FAM13B: variants seen among roughly 807,000 people sequenced by gnomAD.
FAM13B encodes the protein family with sequence similarity 13 member B.
FAM13B carries 60 observed loss-of-function variants against 117.3 expected under a neutral mutation model. The ratio of observed to expected loss-of-function variants is 0.51; its 90% CI spans 0.42 to 0.63. FAM13B has a LOEUF of 0.63. Among genes scored for constraint, FAM13B ranks in the 30% least tolerant of loss-of-function variants. The pLI, the probability that FAM13B is intolerant of heterozygous loss-of-function variation, is 0.00. For missense variants in FAM13B, 972 were observed against 1,091.9 expected, an observed-to-expected ratio of 0.89 and a Z score of 1.55; for synonymous variants, 332 against 356.1, an observed-to-expected ratio of 0.93 and a Z score of 0.76.
intron 10 of FAM13B, among the ~76,000 whole-genome samples, chr5:137,966,254 TG>T (rs1769707587): frequency 6.6e-6 from 1 of 151,452 alleles, no homozygotes; most frequent in Admixed American, 6.6e-5. Context: ...CTGGCCAATA[TG>T]GCGAAACCTC....
At chr5:137,966,480 T>TAAAGAGAG (rs1452687913) in intron 10 of FAM13B, among the ~76,000 whole-genome samples, 1 of 59,082 alleles carries the variant, frequency 1.7e-5, no homozygotes, top group Non-Finnish European at 3.3e-5. Flanking sequence ...TATATATATA[T>TAAAGAGAG]ATATATATAG....
intron 7 of FAM13B, among the ~76,000 whole-genome samples, chr5:138,004,770 C>T (rs1042502362): frequency 6.6e-6 from 1 of 152,092 alleles, no homozygotes; most frequent in African/African-American, 2.4e-5. Context: ...GTCCCAGCTA[C>T]ACAGGAGGCT....
At chr5:138,046,132 G>A (rs2151130795) in intron 1 of FAM13B, among the ~76,000 whole-genome samples, 1 of 152,196 alleles carries the variant, frequency 6.6e-6, no homozygotes, top group South Asian at 2.1e-4. Flanking sequence ...TTTTTATAAG[G>A]TGGAGTTTCT....
intron 4 of FAM13B, among the ~76,000 whole-genome samples, chr5:138,013,969 G>C (rs891958799): frequency 6.6e-6 from 1 of 152,074 alleles, no homozygotes; most frequent in Non-Finnish European, 1.5e-5. Flanking sequence ...GAGACAGGCT[G>C]TCGCTCCAGG....
Position 137,993,908 on chromosome 5 carries a change from C to T in FAM13B, c.849-5593G>A, listed in dbSNP as rs188010848. Among the ~76,000 whole-genome samples, 12 of 152,232 alleles carry T rather than the reference C, an allele frequency of 7.9e-5. No homozygotes were observed. The East Asian group carries it at 2.3e-3, about 29-fold the overall frequency. On this transcript the variant is annotated intron_variant, in intron 7 of 23. Transcript: ENST00000689681. ...CAAGAGTCTACATTTTTAACAAATG[C>T]CAATGATGATTCTTATCCATAGTAG...
In FAM13B at chr5:138,011,916, T is replaced by A. The variant is rs1784114305; in HGVS notation, c.400A>T (p.Lys134Ter). 6.3e-7 allele frequency: 1 copy of A among 1,589,454 alleles called. No homozygotes were observed. ...DYNNEDEFGR[K>*]LRFLLQQLPP... ...AGCTGTTGCAAGAGGAACCTCAACT[T>A]TCTTCCAAATTCATCTTCATTATTA... Residue 134 changes from lysine to a stop codon, truncating the protein, a stop_gained, in exon 5 of 24, where the codon AAG becomes TAG. Transcript: ENST00000689681. LOFTEE classifies it high-confidence loss of function.
intron 1 of FAM13B, among the ~76,000 whole-genome samples, chr5:138,024,874 G>T (rs1221181369): frequency 4.4e-5 from 6 of 135,450 alleles, no homozygotes; most frequent in Non-Finnish European, 9.4e-5. Flanking sequence ...TGTTTTTTTT[G>T]TTTGTTTTTT....
chr5:137,985,341 G>A lies in FAM13B; in HGVS notation c.1095C>T (p.Asp365=). The stretch of plus-strand genomic sequence containing the variant: ...TAGTGCTAGCCACAGGTTTTGAACA[G>A]TCTCTGTTACTTTCACTGGCATTAA... ...DIINASESNR[D]CSKPVASTNL... is the part of the protein sequence containing the mutation. The change falls in exon 10 of 24, where the codon GAC becomes GAT. Residue 365 remains aspartate (D), a synonymous_variant. Coordinates refer to ENST00000689681, the MANE Select transcript of FAM13B (RefSeq NM_001385994.1). 1.2e-6 allele frequency: 2 copies of A among 1,613,736 alleles called. No individual in the cohort carries two copies. Among genetic ancestry groups the A allele is most frequent in the Admixed American group, 1.7e-5 (1 of 60,008 alleles).
At chr5:137,948,409 AT>A (rs1220629819) in intron 18 of FAM13B, among the ~76,000 whole-genome samples, 3 of 151,832 alleles carry the variant, frequency 2.0e-5, no homozygotes, top group African/African-American at 7.3e-5. Context: ...TGCTTTATTT[AT>A]TTATTTATTT....
At chr5:137,977,425 T>C (rs1437350940) in intron 10 of FAM13B, among the ~76,000 whole-genome samples, 1 of 152,176 alleles carries the variant, frequency 6.6e-6, no homozygotes, top group Non-Finnish European at 1.5e-5. Context: ...CCTCTCCTTT[T>C]GAAAATCCCT....
intron 1 of FAM13B, chr5:138,039,457 CT>C (rs1321301619): frequency 3.3e-5 from 5 of 151,928 alleles, no homozygotes; most frequent in Admixed American, 2.6e-4. Flanking sequence ...TTCTCAGCAC[CT>C]TTTTTTTCCC....
chr5:138,012,812 T>G (rs532877609), intron 4 of FAM13B, among the ~76,000 whole-genome samples: 9 of 152,202 alleles, frequency 5.9e-5, no homozygotes, highest in Non-Finnish European at 1.2e-4. Flanking sequence ...AAACTCCTGG[T>G]AAAAGGTTAC....
intron 1 of FAM13B, among the ~76,000 whole-genome samples, chr5:138,049,839 T>A (rs1196622409): frequency 6.6e-6 from 1 of 152,132 alleles, no homozygotes; most frequent in Non-Finnish European, 1.5e-5. Flanking sequence ...AAATCCGACA[T>A]GTTTGGCCAG....
At chr5:138,010,957 TAAAAA>T (rs35163730) in intron 6 of FAM13B, 46 bp downstream of exon 6, 163 of 1,079,164 alleles carry the variant, frequency 1.5e-4, no homozygotes, top group East Asian at 5.2e-4. Context: ...ATATTATTCT[TAAAAA>T]AAAAAAAAAA....
intron 21 of FAM13B, 47 bp downstream of exon 21, chr5:137,943,086 T>C: frequency 1.9e-6 from 3 of 1,611,698 alleles, no homozygotes; most frequent in Non-Finnish European, 2.5e-6. Context: ...GTCTTTGAAC[T>C]CTTCCCTTAG....
In FAM13B at chr5:138,019,162, CAAA is replaced by C. The variant is rs57706343; in HGVS notation, c.-35-19_-35-17del. ...GCTGTCTTTTCTGCCAAATGAAAGA[CAAA>C]AAAAAAAGACTATAATGATTAACAG... On this transcript the variant is annotated splice_polypyrimidine_tract_variant and intron_variant, in intron 2 of 23. Coordinates refer to ENST00000689681, the MANE Select transcript of FAM13B (RefSeq NM_001385994.1). 3 of 1,502,880 alleles carry C rather than the reference CAAA, an allele frequency of 2.0e-6. No homozygotes were observed. The highest frequency in any genetic ancestry group is 2.8e-5 in the African/African-American group (2 of 70,856). The allele number at this position is 1,502,880 out of a possible 1,614,324, so 93.1% of individuals were successfully genotyped here. A position where few individuals can be genotyped will look rare whatever the true frequency, so the allele number is the denominator to read the frequency against.
In FAM13B at chr5:137,939,373, C is replaced by CATACTG. The variant is rs1347201886; in HGVS notation, c.*846_*851dup. ...AATCTGAGCACCATCAGAGTTCCTA[C>CATACTG]ATACTGACATGGCTATTTTCTCACA... On this transcript the variant is annotated 3_prime_UTR_variant, in exon 24 of 24. Transcript: ENST00000689681. 3 of 152,688 alleles carry CATACTG rather than the reference C, an allele frequency of 2.0e-5. No homozygotes were observed. The highest frequency in any genetic ancestry group is 7.2e-5 in the African/African-American group (3 of 41,458). The allele number at this position is 152,688 out of a possible 1,614,324, so 9.5% of individuals were successfully genotyped here. A position where few individuals can be genotyped will look rare whatever the true frequency, so the allele number is the denominator to read the frequency against.
chr5:138,032,244 A>G (rs1355146544), intron 1 of FAM13B, among the ~76,000 whole-genome samples: 1 of 152,188 alleles, frequency 6.6e-6, no homozygotes, highest in Non-Finnish European at 1.5e-5. Context: ...CGCATTCTAG[A>G]CAAGGCCCCA....
At chr5:137,947,162 A>C (rs1311697657) in intron 18 of FAM13B, among the ~76,000 whole-genome samples, 3 of 152,252 alleles carry the variant, frequency 2.0e-5, no homozygotes, top group East Asian at 1.9e-4. Flanking sequence ...GTTCCACAGA[A>C]TATCCTTTAA....
Sources: gnomAD v4.1 joint callset for allele counts (sites outside exome capture counted in the v4.1 genomes callset) on GRCh38, gnomAD v4.1.1 for gene constraint, MANE v1.5 for transcripts, NCBI Gene and HGNC (gene_info 2026-07-23, HGNC 2026-07-21) for gene names.